Variants in CDH13 observed in about 807,000 individuals in gnomAD.
CDH13 encodes cadherin-13.
In CDH13, 24 loss-of-function variants were observed where a neutral mutation model predicts 63.8. The observed-to-expected ratio is 0.38, with a 90% CI of 0.27 to 0.53. CDH13 has a LOEUF of 0.53. Ranked by LOEUF, CDH13 falls within the 20% of genes least tolerant of loss-of-function variation. The probability of loss-of-function intolerance (pLI) is 0.85; values close to 1 mark genes in which losing one functional copy is unlikely to be tolerated. For missense variants in CDH13, 1,049 were observed against 903.1 expected (o/e 1.16, Z -2.07); for synonymous variants, 503 against 355.3 (o/e 1.42, Z -4.67).
chr16:83,253,488 C>T (rs1385460011), intron 5 of CDH13, among the ~76,000 whole-genome samples: 2 of 152,228 alleles, frequency 1.3e-5, no homozygotes, highest in African/African-American at 4.8e-5. Context: ...ACATTCGCCA[C>T]AAGATACCTG....
chr16:83,116,932 G>T (rs113521607), intron 3 of CDH13, among the ~76,000 whole-genome samples: 14 of 152,326 alleles, frequency 9.2e-5, no homozygotes, highest in Non-Finnish European at 1.8e-4. Flanking sequence ...TCTTCAGGGA[G>T]TGCAGACCAC....
chr16:82,845,600 A>C (rs1181827796), intron 1 of CDH13, among the ~76,000 whole-genome samples: 1 of 152,042 alleles, frequency 6.6e-6, no homozygotes, highest in East Asian at 1.9e-4. Context: ...CTTGGTGTAG[A>C]CCAGACAAGG....
chr16:83,791,480 A>G (rs1283191017), intron 13 of CDH13, among the ~76,000 whole-genome samples: 1 of 151,990 alleles, frequency 6.6e-6, no homozygotes, highest in East Asian at 1.9e-4. Context: ...TGTAGGACAG[A>G]GTGAGAATCC....
intron 3 of CDH13, among the ~76,000 whole-genome samples, chr16:83,118,359 T>A (rs1339683919): frequency 6.6e-6 from 1 of 152,222 alleles, no homozygotes; most frequent in Non-Finnish European, 1.5e-5. Context: ...CATCTGCTCG[T>A]GAGTGTGTGT....
chr16:83,469,964 C>G (rs1271431318), intron 6 of CDH13, among the ~76,000 whole-genome samples: 5 of 152,262 alleles, frequency 3.3e-5, no homozygotes, highest in African/African-American at 4.8e-5. Context: ...ACAGTGTCAC[C>G]TTTGTTTATG....
intron 1 of CDH13, chr16:82,646,344 C>G (rs1175807016): frequency 6.6e-6 from 1 of 152,216 alleles, no homozygotes; most frequent in East Asian, 1.9e-4. Context: ...TGCCTGCCAT[C>G]AGGCCCAGCT....
chr16:83,567,943 A>G (rs946494589), intron 7 of CDH13, among the ~76,000 whole-genome samples: 1 of 152,200 alleles, frequency 6.6e-6, no homozygotes, highest in Non-Finnish European at 1.5e-5. Flanking sequence ...AACTGCAACC[A>G]AAGCCCCAAT....
rs575974393 is a variant in CDH13, at chr16:83,012,484, A to G, written c.158-19526A>G. On this transcript the variant is annotated intron_variant, in intron 2 of 13. Transcript: ENST00000567109. Reference sequence around the variant, plus strand: ...CATTTTCCAAGAGGCTAAATTTTCAAATGGTTTCACTTACACAGTGCAGAA... The same window carrying G: ...CATTTTCCAAGAGGCTAAATTTTCAGATGGTTTCACTTACACAGTGCAGAA... 3.2e-4 allele frequency among the ~76,000 whole-genome samples: 48 copies of G among 152,186 alleles called. No homozygotes were observed. The South Asian group carries it at 7.9e-3, about 25-fold the overall frequency.
intron 8 of CDH13, among the ~76,000 whole-genome samples, chr16:83,655,730 C>T (rs1912809392): frequency 1.3e-5 from 2 of 152,122 alleles, no homozygotes; most frequent in Non-Finnish European, 2.9e-5. Context: ...GTGAAGACTC[C>T]CAAACACCCA....
chr16:83,700,885 G>C (rs770342869), intron 10 of CDH13, among the ~76,000 whole-genome samples: 1 of 152,144 alleles, frequency 6.6e-6, no homozygotes, highest in African/African-American at 2.4e-5. Flanking sequence ...GAGCTGAGTT[G>C]TGTTTATTTT....
chr16:82,912,839 A>C (rs949772564), intron 2 of CDH13, among the ~76,000 whole-genome samples: 3 of 151,646 alleles, frequency 2.0e-5, no homozygotes, highest in Non-Finnish European at 4.4e-5. Flanking sequence ...GCTACTTGGG[A>C]GGCTGAGGCA....
intron 6 of CDH13, among the ~76,000 whole-genome samples, chr16:83,389,218 A>G (rs1446012928): frequency 6.6e-6 from 1 of 152,262 alleles, no homozygotes; most frequent in African/African-American, 2.4e-5. Context: ...TAAGAATTTT[A>G]AAAAGTCAGA....
intron 5 of CDH13, among the ~76,000 whole-genome samples, chr16:83,311,731 C>CAAAGCCA (rs1198299670): frequency 6.6e-6 from 1 of 152,222 alleles, no homozygotes; most frequent in Admixed American, 6.5e-5. Context: ...CTCTTTTCTT[C>CAAAGCCA]AAAGCCAATT....
At chr16:83,297,605 A>C (rs1294903604) in intron 5 of CDH13, among the ~76,000 whole-genome samples, 1 of 152,172 alleles carries the variant, frequency 6.6e-6, no homozygotes, top group Admixed American at 6.5e-5. Flanking sequence ...TGGTCTTTGT[A>C]GTTAGATGTT....
chr16:83,668,347 C>T (rs1397173577), intron 8 of CDH13, among the ~76,000 whole-genome samples: 1 of 152,204 alleles, frequency 6.6e-6, no homozygotes, highest in African/African-American at 2.4e-5. Flanking sequence ...CCTCCAGCCT[C>T]CTCAAATCAT....
At chr16:83,046,850 T>C (rs1597216426) in intron 3 of CDH13, among the ~76,000 whole-genome samples, 1 of 152,178 alleles carries the variant, frequency 6.6e-6, no homozygotes, top group African/African-American at 2.4e-5. Flanking sequence ...GGGAGGATTG[T>C]GAAATCCTTC....
intron 7 of CDH13, among the ~76,000 whole-genome samples, chr16:83,587,747 C>A (rs922465880): frequency 1.3e-5 from 2 of 152,086 alleles, no homozygotes; most frequent in East Asian, 3.8e-4. Context: ...TCTTTTATTA[C>A]CCATACAGAG....
Position 83,780,174 on chromosome 16 carries a change from A to T in CDH13, c.1888A>T (p.Lys630Ter). The T allele has an allele frequency of 6.2e-7, 1 of 1,604,370 alleles. No homozygotes were observed. Residue 630 changes from lysine to a stop codon, truncating the protein, a stop_gained, in exon 12 of 14, where the codon AAA (lysine) becomes TAA (stop). Coordinates refer to ENST00000567109, the MANE Select transcript of CDH13 (RefSeq NM_001257.5). LOFTEE classifies it high-confidence loss of function. ...AATCCACAAACAAGCTGTTCCTGATAAAGTCTGGAAGATCTCCAAGATCAA... is the reference window on the plus strand; with the variant it reads ...AATCCACAAACAAGCTGTTCCTGATTAAGTCTGGAAGATCTCCAAGATCAA... ...FEIHKQAVPD[K>*]VWKISKINNT...
At chr16:82,695,891 A>G (rs2030224649) in intron 1 of CDH13, among the ~76,000 whole-genome samples, 1 of 152,228 alleles carries the variant, frequency 6.6e-6, no homozygotes. Context: ...TAAATCAACC[A>G]TAACCCATTT....
Sources: allele counts gnomAD v4.1 joint callset (sites outside exome capture counted in the v4.1 genomes callset), GRCh38; gene constraint gnomAD v4.1.1; transcripts MANE v1.5; gene names NCBI Gene and HGNC (gene_info 2026-07-23, HGNC 2026-07-21).